NPFFR2: variants seen among roughly 807,000 people sequenced by gnomAD.
The protein encoded by NPFFR2 is G-protein coupled receptor 74.
Under a neutral mutation model 13.1 loss-of-function variants are expected in NPFFR2, and 15 were observed. The ratio of observed to expected loss-of-function variants is 1.15; its 90% CI spans 0.77 to 1.76. The LOEUF (loss-of-function observed/expected upper bound fraction) is 1.76. Ranked by LOEUF, NPFFR2 falls within the 40% of genes most tolerant of loss-of-function variation. The pLI is 0.00. For synonymous variants in NPFFR2, 190 were observed against 175.7 expected (o/e 1.08, Z -0.65); for missense variants, 572 against 503.5 (o/e 1.14, Z -1.30).
intron 1 of NPFFR2, among the ~76,000 whole-genome samples, chr4:72,075,246 A>G (rs560065338): frequency 3.3e-5 from 5 of 152,230 alleles, no homozygotes; most frequent in South Asian, 2.1e-4. Context: ...CCATTGAACA[A>G]CGGACTCCAA....
At chr4:72,070,554 T>TGG (rs1720215120) in intron 1 of NPFFR2, among the ~76,000 whole-genome samples, 1 of 1,146 alleles carries the variant, frequency 8.7e-4, no homozygotes, top group Non-Finnish European at 2.6e-3. Flanking sequence ...TGTGTGTGTG[T>TGG]GTGTGTGGGG....
chr4:72,141,939 G>A (rs1254632691), intron 3 of NPFFR2, among the ~76,000 whole-genome samples: 2 of 152,082 alleles, frequency 1.3e-5, no homozygotes, highest in Admixed American at 6.6e-5. Context: ...GAATCTGGGT[G>A]CTCCTGTATT....
chr4:72,084,063 A>G (rs1435662644), intron 1 of NPFFR2, among the ~76,000 whole-genome samples: 1 of 152,170 alleles, frequency 6.6e-6, no homozygotes, highest in Non-Finnish European at 1.5e-5. Context: ...AACATCTTCC[A>G]TGTAAACTAC....
At chr4:72,124,755 C>T (rs1721985933) in intron 1 of NPFFR2, among the ~76,000 whole-genome samples, 1 of 152,166 alleles carries the variant, frequency 6.6e-6, no homozygotes, top group Non-Finnish European at 1.5e-5. Context: ...CTTCCTTACA[C>T]CTTACACAAA....
chr4:72,054,898 T>C (rs1167297070), intron 1 of NPFFR2, among the ~76,000 whole-genome samples: 2 of 151,860 alleles, frequency 1.3e-5, no homozygotes, highest in African/African-American at 2.4e-5. Flanking sequence ...ATGAGACATC[T>C]CTACACCATC....
At chr4:72,084,789 T>A (rs1315487120) in intron 1 of NPFFR2, among the ~76,000 whole-genome samples, 1 of 152,128 alleles carries the variant, frequency 6.6e-6, no homozygotes, top group African/African-American at 2.4e-5. Context: ...AGTAGATAAA[T>A]GCCCTGGCCA....
chr4:72,070,261 T>C (rs1720204056), intron 1 of NPFFR2, among the ~76,000 whole-genome samples: 1 of 152,186 alleles, frequency 6.6e-6, no homozygotes, highest in African/African-American at 2.4e-5. Context: ...ATAGTTTTTA[T>C]AGAGTAACCC....
chr4:72,063,231 C>A (rs1271166543), intron 1 of NPFFR2, among the ~76,000 whole-genome samples: 3 of 151,954 alleles, frequency 2.0e-5, no homozygotes, highest in African/African-American at 7.2e-5. Flanking sequence ...TGTTATTCTA[C>A]CAAGGGTCTA....
At chr4:72,142,572 T>C (rs184918479) in intron 3 of NPFFR2, among the ~76,000 whole-genome samples, 194 of 152,310 alleles carry the variant, frequency 1.3e-3, no homozygotes, top group African/African-American at 4.5e-3. Context: ...GAACGGAACC[T>C]GAGAATATCT....
chr4:72,118,550 CT>C (rs1489512279), intron 1 of NPFFR2, among the ~76,000 whole-genome samples: 2 of 152,078 alleles, frequency 1.3e-5, no homozygotes, highest in Non-Finnish European at 2.9e-5. Context: ...GGCAATTAGA[CT>C]CCAGAGCCTG....
chr4:72,124,780 G>A (rs1315906952), intron 1 of NPFFR2, among the ~76,000 whole-genome samples: 1 of 152,082 alleles, frequency 6.6e-6, no homozygotes, highest in African/African-American at 2.4e-5. Flanking sequence ...AACCAAGACG[G>A]ATTAAAGACT....
chr4:72,113,973 G>A (rs1376436701), intron 1 of NPFFR2, among the ~76,000 whole-genome samples: 2 of 151,970 alleles, frequency 1.3e-5, no homozygotes, highest in African/African-American at 4.8e-5. Flanking sequence ...TTTTCTACAG[G>A]CAATCCTTTA....
chr4:72,128,497 T>C, intron 1 of NPFFR2, 88 bp from the exon 2 acceptor site: 1 of 740,248 alleles, frequency 1.4e-6, no homozygotes, highest in Non-Finnish European at 2.2e-6. Context: ...CATGGCATTT[T>C]ACAAGTGTTC....
At chr4:72,056,141 A>G (rs915355204) in intron 1 of NPFFR2, among the ~76,000 whole-genome samples, 1 of 152,046 alleles carries the variant, frequency 6.6e-6, no homozygotes, top group Admixed American at 6.6e-5. Context: ...GATGCCATTG[A>G]GGACTTTCAT....
chr4:72,098,733 CT>C (rs1290958044), intron 1 of NPFFR2, among the ~76,000 whole-genome samples: 5 of 152,188 alleles, frequency 3.3e-5, no homozygotes, highest in African/African-American at 4.8e-5. Flanking sequence ...TGGGCTTCTT[CT>C]GTCATGTATC....
intron 1 of NPFFR2, among the ~76,000 whole-genome samples, chr4:72,044,455 G>A (rs1456144852): frequency 6.6e-6 from 1 of 152,136 alleles, no homozygotes; most frequent in Non-Finnish European, 1.5e-5. Flanking sequence ...TAACAATATA[G>A]ATTCTTTGAA....
chr4:72,087,557 G>A (rs572545887), intron 1 of NPFFR2, among the ~76,000 whole-genome samples: 18 of 32,568 alleles, frequency 5.5e-4, no homozygotes, highest in Admixed American at 2.7e-3. Flanking sequence ...GTCTTGTGTA[G>A]GTAATCTTCT....
intron 1 of NPFFR2, among the ~76,000 whole-genome samples, chr4:72,033,870 T>C (rs1718983725): frequency 6.6e-6 from 1 of 152,166 alleles, no homozygotes; most frequent in Non-Finnish European, 1.5e-5. Context: ...TCCAGAAATA[T>C]CAGTTTATTT....
In NPFFR2 at chr4:72,052,903, T is replaced by A. The variant is rs142048562; in HGVS notation, c.-8+20703T>A. On this transcript the variant is annotated intron_variant, in intron 1 of 3. Transcript: ENST00000308744. The stretch of plus-strand genomic sequence containing the variant: ...TTCAGGTCTTACATAATAACTTAAC[T>A]CTTTCAACCAATTGACAATCAGAAA... 5.9e-3 allele frequency among the ~76,000 whole-genome samples: 899 copies of A among 152,064 alleles called. 6 individuals carry two copies. The highest frequency in any genetic ancestry group is 0.02 in the African/African-American group (836 of 41,508).
Sources: gnomAD v4.1 joint callset for allele counts (sites outside exome capture counted in the v4.1 genomes callset) on GRCh38, gnomAD v4.1.1 for gene constraint, MANE v1.5 for transcripts, NCBI Gene and HGNC (gene_info 2026-07-23, HGNC 2026-07-21) for gene names.